The following CADM1 variants were observed in gnomAD, a reference collection of about 807,000 sequenced individuals.
CADM1 encodes TSLC-1.
In CADM1, 15 loss-of-function variants were observed where a neutral mutation model predicts 53.1. That is an observed-to-expected ratio of 0.28 (90% confidence interval 0.19 to 0.44). The LOEUF is 0.44. Among genes scored for constraint, CADM1 ranks in the 20% least tolerant of loss-of-function variants. The pLI is 1.00. For synonymous variants in CADM1, 281 were observed against 243.0 expected (o/e 1.16, Z -1.45); for missense variants, 434 against 611.3 (o/e 0.71, Z 3.06).
chr11:115,327,071 TAC>T (rs1359934403), intron 1 of CADM1, among the ~76,000 whole-genome samples: 1 of 152,196 alleles, frequency 6.6e-6, no homozygotes, highest in Non-Finnish European at 1.5e-5. Context: ...TATAAAAACA[TAC>T]ATACTATTTT....
chr11:115,489,695 C>T (rs890526438), intron 1 of CADM1, among the ~76,000 whole-genome samples: 19 of 152,088 alleles, frequency 1.2e-4, no homozygotes, highest in African/African-American at 4.1e-4. Context: ...GAGACTCAGG[C>T]CATTCAGAGA....
chr11:115,249,753 T>C (rs1942530124), intron 1 of CADM1, among the ~76,000 whole-genome samples: 2 of 152,222 alleles, frequency 1.3e-5, no homozygotes, highest in Admixed American at 6.5e-5. Context: ...AAATATAACA[T>C]TGGCTTTCCC....
At chr11:115,423,881 G>C (rs1380944107) in intron 1 of CADM1, among the ~76,000 whole-genome samples, 2 of 152,130 alleles carry the variant, frequency 1.3e-5, no homozygotes, top group African/African-American at 2.4e-5. Context: ...GTTTTGTCTC[G>C]CTCTACTCTT....
intron 1 of CADM1, among the ~76,000 whole-genome samples, chr11:115,352,516 C>A (rs1291717584): frequency 1.3e-5 from 2 of 152,154 alleles, no homozygotes; most frequent in African/African-American, 2.4e-5. Context: ...GAAATATTTT[C>A]TTTTCCCAGA....
chr11:115,292,516 C>T (rs1329762369), intron 1 of CADM1, among the ~76,000 whole-genome samples: 1 of 152,052 alleles, frequency 6.6e-6, no homozygotes, highest in Non-Finnish European at 1.5e-5. Context: ...ATGTGGAAGC[C>T]AGAACAAATC....
chr11:115,188,091 A>C (rs1356396028), intron 10 of CADM1, among the ~76,000 whole-genome samples: 3 of 152,200 alleles, frequency 2.0e-5, no homozygotes, highest in African/African-American at 7.2e-5. Context: ...TCACTCCACT[A>C]AACAGTTCCC....
intron 1 of CADM1, among the ~76,000 whole-genome samples, chr11:115,466,037 T>A (rs1162091276): frequency 2.6e-5 from 4 of 152,132 alleles, no homozygotes; most frequent in Non-Finnish European, 5.9e-5. Context: ...CAGAGAATGT[T>A]CATTTAGCCA....
chr11:115,289,476 T>C (rs1373281533), intron 1 of CADM1, among the ~76,000 whole-genome samples: 1 of 152,212 alleles, frequency 6.6e-6, no homozygotes, highest in Non-Finnish European at 1.5e-5. Context: ...TTAGTATACC[T>C]TTCTGGTACA....
rs1351842329 is a variant in CADM1 at position 115,284,114 on chromosome 11, C to CTCTCTCTCTCTCTGTGTG, written c.125-43695_125-43694insCACACAGAGAGAGAGAGA. 2.0e-3 allele frequency among the ~76,000 whole-genome samples: 202 copies of CTCTCTCTCTCTCTGTGTG among 98,652 alleles called. 2 individuals carry two copies. Among genetic ancestry groups the CTCTCTCTCTCTCTGTGTG allele is most frequent in the Non-Finnish European group, 3.3e-3 (155 of 47,286 alleles). 64.7% of individuals were successfully genotyped at this position (98,652 alleles called of 152,430 possible). ...TCTCTCTCTCTCTCTCTCTCTCTCTCTGTGTGTGTGTGTGTGTGTGTGTGT... is the reference window on the plus strand; with the variant it reads ...TCTCTCTCTCTCTCTCTCTCTCTCTCTCTCTCTCTCTCTGTGTGTGTGTGTGTGTGTGTGTGTGTGTGT... On this transcript the variant is annotated intron_variant, in intron 1 of 11. Coordinates refer to ENST00000331581, the MANE Select transcript of CADM1 (RefSeq NM_001301043.2).
chr11:115,298,279 C>T (rs575207510), intron 1 of CADM1, among the ~76,000 whole-genome samples: 29 of 152,242 alleles, frequency 1.9e-4, no homozygotes, highest in African/African-American at 4.3e-4. Flanking sequence ...ATTTTAGGAA[C>T]GTAAATAAGA....
At chr11:115,361,890 T>TTTTTTGTTTTG (rs1555072891) in intron 1 of CADM1, among the ~76,000 whole-genome samples, 1,806 of 86,900 alleles carry the variant, frequency 0.021, 19 homozygotes, top group Non-Finnish European at 0.033. Context: ...CACACCCGAG[T>TTTTTTGTTTTG]TTTTGTTTTG....
chr11:115,442,945 G>A (rs1346050100), intron 1 of CADM1, among the ~76,000 whole-genome samples: 1 of 152,096 alleles, frequency 6.6e-6, no homozygotes, highest in Non-Finnish European at 1.5e-5. Context: ...TATTCTAATG[G>A]CAACAGTACC....
At chr11:115,383,793 T>G (rs1946634946) in intron 1 of CADM1, among the ~76,000 whole-genome samples, 1 of 152,242 alleles carries the variant, frequency 6.6e-6, no homozygotes. Flanking sequence ...TCCCCTGTCT[T>G]CTGTTAACCC....
chr11:115,448,426 C>G (rs187462680), intron 1 of CADM1, among the ~76,000 whole-genome samples: 1 of 152,280 alleles, frequency 6.6e-6, no homozygotes, highest in Non-Finnish European at 1.5e-5. Flanking sequence ...CTTTCTGCAA[C>G]TTGCTTGTCT....
intron 10 of CADM1, among the ~76,000 whole-genome samples, chr11:115,186,802 C>T (rs150057144): frequency 3.7e-4 from 56 of 152,318 alleles, no homozygotes; most frequent in Non-Finnish European, 7.6e-4. Flanking sequence ...GCCCTCACTT[C>T]CACTTTATCC....
intron 1 of CADM1, among the ~76,000 whole-genome samples, chr11:115,348,259 A>C (rs1007994010): frequency 6.6e-6 from 1 of 152,222 alleles, no homozygotes; most frequent in East Asian, 1.9e-4. Context: ...AAAGATTACT[A>C]TAAGAAGTTT....
chr11:115,205,526 A>G (rs749748031), intron 8 of CADM1, among the ~76,000 whole-genome samples: 1 of 152,204 alleles, frequency 6.6e-6, no homozygotes. Flanking sequence ...TTTGACAGGA[A>G]TCTGTGTGAA....
intron 1 of CADM1, among the ~76,000 whole-genome samples, chr11:115,414,850 A>T (rs1466517209): frequency 6.6e-6 from 1 of 152,194 alleles, no homozygotes; most frequent in African/African-American, 2.4e-5. Context: ...ATTCCTCATT[A>T]TTAGTTTCAC....
intron 1 of CADM1, among the ~76,000 whole-genome samples, chr11:115,446,929 C>G (rs1948464327): frequency 6.6e-6 from 1 of 152,260 alleles, no homozygotes; most frequent in South Asian, 2.1e-4. Flanking sequence ...GCCAAATGAG[C>G]AAACAGGTAT....
Sources: allele counts gnomAD v4.1 joint callset (sites outside exome capture counted in the v4.1 genomes callset), GRCh38; gene constraint gnomAD v4.1.1; transcripts MANE v1.5; gene names NCBI Gene and HGNC (gene_info 2026-07-23, HGNC 2026-07-21).